Variants in RTN4 observed in about 807,000 individuals in gnomAD.
RTN4 encodes reticulon 4, also known as reticulon-4.
In RTN4, 32 loss-of-function variants were observed where a neutral mutation model predicts 90.4. That is an observed-to-expected ratio of 0.35 (90% CI 0.27 to 0.48). RTN4 has a LOEUF of 0.48. Ranked by LOEUF, RTN4 falls within the 20% of genes least tolerant of loss-of-function variation. The pLI is 0.99. For synonymous variants in RTN4, 629 were observed against 552.5 expected, an observed-to-expected ratio of 1.14 and a Z score of -1.94; for missense variants, 1,706 against 1,430.2, an observed-to-expected ratio of 1.19 and a Z score of -3.11.
intron 1 of RTN4, among the ~76,000 whole-genome samples, chr2:55,106,816 C>T (rs1667952261): frequency 6.6e-6 from 1 of 152,064 alleles, no homozygotes; most frequent in Non-Finnish European, 1.5e-5. Context: ...CACCATGCCC[C>T]GTCTTATTGA....
intron 3 of RTN4, among the ~76,000 whole-genome samples, chr2:55,023,478 A>G (rs992137871): frequency 8.5e-5 from 13 of 152,120 alleles, no homozygotes; most frequent in African/African-American, 1.9e-4. Flanking sequence ...AAACCCTAAC[A>G]GTATCAATAC....
chr2:55,115,699 T>G (rs1668112593), upstream of RTN4, among the ~76,000 whole-genome samples: 1 of 152,356 alleles, frequency 6.6e-6, no homozygotes, highest in South Asian at 2.1e-4. Flanking sequence ...TTGTCATCAA[T>G]AGAAGAAAAG....
rs530406564 is a variant in RTN4 at position 55,078,162 on chromosome 2, C to CA, written c.-63+2326dup. 7.3e-5 allele frequency among the ~76,000 whole-genome samples: 11 copies of CA among 151,500 alleles called. No individual in the cohort carries two copies. In the East Asian group the frequency reaches 1.7e-3, roughly 24 times the overall value. ...CATGTAACCAAACACAACCTTTTCC[C>CA]AAAAAACCTATTGAAATAAAAAAAA... On this transcript the variant is annotated intron_variant, in intron 2 of 3. Coordinates refer to the RTN4 transcript ENST00000427710.
chr2:55,075,927 C>T (rs977957657), intron 2 of RTN4, among the ~76,000 whole-genome samples: 5 of 152,148 alleles, frequency 3.3e-5, no homozygotes, highest in African/African-American at 7.2e-5. Flanking sequence ...TCACCCTATA[C>T]AAAACTCAAG....
chr2:54,993,892 G>C (rs1451578056), intron 3 of RTN4, among the ~76,000 whole-genome samples: 3 of 152,178 alleles, frequency 2.0e-5, no homozygotes, highest in Admixed American at 6.5e-5. Context: ...ACTGTGCAAA[G>C]TACAGAAGAA....
intron 2 of RTN4, among the ~76,000 whole-genome samples, chr2:55,058,335 G>C (rs1432374708): frequency 3.3e-5 from 5 of 152,178 alleles, no homozygotes; most frequent in Admixed American, 2.6e-4. Context: ...ACTAGGCTGA[G>C]ATATGATGTA....
intron 5 of RTN4, 88 bp downstream of exon 5, chr2:54,982,427 C>T: frequency 8.9e-7 from 1 of 1,129,844 alleles, no homozygotes; most frequent in Non-Finnish European, 1.3e-6. Context: ...TTATCATTTA[C>T]TTGAATATAG....
At position 55,090,776 on chromosome 2, in the gene RTN4, A is replaced by G. The variant is rs144339299; in HGVS notation, c.-213-10137T>C. On this transcript the variant is annotated intron_variant, in intron 1 of 3. Coordinates refer to the RTN4 transcript ENST00000427710. The stretch of plus-strand genomic sequence containing the variant: ...AAGTAACTCCCATTTAAAATGGCCA[A>G]AAACCAAACTCGGCTCCACCCCCTA... Among the ~76,000 whole-genome samples the G allele has an allele frequency of 1.6e-3, 246 of 152,274 alleles. 2 individuals carry two copies. Among genetic ancestry groups the G allele is most frequent in the African/African-American group, 5.7e-3 (236 of 41,560 alleles).
chr2:54,990,329 AT>A (rs529698459), intron 3 of RTN4, among the ~76,000 whole-genome samples: 209 of 152,316 alleles, frequency 1.4e-3, no homozygotes, highest in Non-Finnish European at 2.2e-3. Context: ...AATAAGTTTG[AT>A]TTAATCACAC....
intron 5 of RTN4, among the ~76,000 whole-genome samples, chr2:54,981,841 G>C (rs1301086019): frequency 1.5e-5 from 1 of 68,530 alleles, no homozygotes; most frequent in African/African-American, 6.8e-5. Flanking sequence ...GTAAAGCAAA[G>C]TCAGAATGAA....
At chr2:54,990,321 TAA>T (rs1235272107) in intron 3 of RTN4, among the ~76,000 whole-genome samples, 1 of 152,212 alleles carries the variant, frequency 6.6e-6, no homozygotes, top group Non-Finnish European at 1.5e-5. Context: ...GGTACTTTAA[TAA>T]GTTTGATTTA....
intron 1 of RTN4, among the ~76,000 whole-genome samples, chr2:55,108,423 T>C (rs1013454687): frequency 3.3e-5 from 5 of 152,028 alleles, no homozygotes; most frequent in Non-Finnish European, 5.9e-5. Flanking sequence ...GTGAAGGGGC[T>C]CCAGCATCGG....
intron 1 of RTN4, among the ~76,000 whole-genome samples, chr2:55,036,579 G>A (rs1164200383): frequency 8.8e-6 from 1 of 113,714 alleles, no homozygotes; most frequent in Non-Finnish European, 1.7e-5. Flanking sequence ...TCCAGCCCAG[G>A]CAACAGAGCA....
chr2:55,122,091 G>C, the RTN4 span, among the ~76,000 whole-genome samples: 1 of 151,692 alleles, frequency 6.6e-6, no homozygotes, highest in Admixed American at 6.6e-5. Context: ...TCAACCTCCT[G>C]GACTCAAGCG....
the RTN4 span, among the ~76,000 whole-genome samples, chr2:55,132,713 C>G: frequency 6.7e-6 from 1 of 149,100 alleles, no homozygotes; most frequent in African/African-American, 2.5e-5. Context: ...ACTTGAGAGG[C>G]TGACGAGGGA....
chr2:54,972,890 C>T lies in RTN4; in HGVS notation c.*266G>A. 3.4e-6 allele frequency: 1 copy of T among 290,964 alleles called. No individual in the cohort carries two copies. The highest frequency in any genetic ancestry group is 6.1e-6 in the Non-Finnish European group (1 of 162,922). 18.0% of individuals were successfully genotyped at this position (290,964 alleles called of 1,614,324 possible). A position where few individuals can be genotyped will look rare whatever the true frequency, so the allele number is the denominator to read the frequency against. ...AAGTAAAATATACAGGTTTTTTATT[C>T]CACCAGTGCCTCAGATAGATAGGAA... On this transcript the variant is annotated 3_prime_UTR_variant, in exon 9 of 9. Transcript: ENST00000337526.
intron 3 of RTN4, among the ~76,000 whole-genome samples, chr2:55,004,856 G>T (rs1680093752): frequency 6.6e-6 from 1 of 152,054 alleles, no homozygotes; most frequent in Non-Finnish European, 1.5e-5. Flanking sequence ...TTCCCTTAGG[G>T]GGGAAAAAAA....
chr2:55,047,327 CAAA>C (rs71799240), intron 1 of RTN4, among the ~76,000 whole-genome samples: 10 of 109,758 alleles, frequency 9.1e-5, no homozygotes, highest in South Asian at 2.7e-4. Context: ...GAGACTATCT[CAAA>C]AAAAAAAAAA....
chr2:55,004,562 G>A (rs550852053), intron 3 of RTN4, among the ~76,000 whole-genome samples: 142 of 152,200 alleles, frequency 9.3e-4, no homozygotes, highest in African/African-American at 3.0e-3. Flanking sequence ...CTTTAAGAAG[G>A]GGAAAAGTGG....
Sources: allele counts gnomAD v4.1 joint callset (sites outside exome capture counted in the v4.1 genomes callset), GRCh38; gene constraint gnomAD v4.1.1; transcripts MANE v1.5; gene names NCBI Gene and HGNC (gene_info 2026-07-23, HGNC 2026-07-21).